The following ACADM variants were observed in gnomAD, a reference collection of about 807,000 sequenced individuals.
The protein encoded by ACADM is medium-chain specific acyl-CoA dehydrogenase, mitochondrial.
ACADM carries 49 observed loss-of-function variants against 58.9 expected under a neutral mutation model. That is an observed-to-expected ratio of 0.83 (90% confidence interval 0.66 to 1.06). The LOEUF (loss-of-function observed/expected upper bound fraction) is 1.06. Ranked by LOEUF, ACADM falls within the 50% of genes least tolerant of loss-of-function variation. The probability of loss-of-function intolerance (pLI) is 0.00; values close to 1 mark genes in which losing one functional copy is unlikely to be tolerated. For synonymous variants in ACADM, 160 were observed against 157.7 expected, an observed-to-expected ratio of 1.01 and a Z score of -0.11; for missense variants, 496 against 507.0, an observed-to-expected ratio of 0.98 and a Z score of 0.21.
intron 10 of ACADM, among the ~76,000 whole-genome samples, chr1:75,756,980 A>G (rs1347033657): frequency 6.6e-6 from 1 of 152,220 alleles, no homozygotes; most frequent in Non-Finnish European, 1.5e-5. Context: ...TATTTAATAA[A>G]TGGTGCTGGG....
intron 5 of ACADM, among the ~76,000 whole-genome samples, chr1:75,734,117 C>T (rs188129716): frequency 6.6e-6 from 1 of 151,434 alleles, no homozygotes; most frequent in African/African-American, 2.4e-5. Context: ...TCCTGAGTAG[C>T]TGGGATTACA....
chr1:75,762,622 T>C, intron 11 of ACADM, 70 bp from the exon 12 acceptor site: 1 of 1,016,204 alleles, frequency 9.8e-7, no homozygotes, highest in Non-Finnish European at 1.5e-6. Flanking sequence ...TGCTACTGTC[T>C]AAAATGTTGA....
intron 4 of ACADM, 64 bp from the exon 5 acceptor site, chr1:75,733,461 AGTT>A: frequency 1.4e-6 from 2 of 1,443,920 alleles, no homozygotes; most frequent in Non-Finnish European, 1.9e-6. Flanking sequence ...CAATTAAAAT[AGTT>A]TACCTTTATT....
Position 75,743,714 on chromosome 1 carries a change from G to A in ACADM, c.600-2092G>A, listed in dbSNP as rs531257353. ...TCTTCAATGGCAAATTCATTCTTTC[G>A]GGCCTTCTCTCCCAGTTCAGTGATG... On this transcript the variant is annotated intron_variant, in intron 7 of 11. Coordinates refer to ENST00000370841, the MANE Select transcript of ACADM (RefSeq NM_000016.6). 50 of 1,495,550 alleles carry A rather than the reference G, an allele frequency of 3.3e-5. No homozygotes were observed. The East Asian group carries it at 6.3e-4, about 19-fold the overall frequency. 92.6% of individuals were successfully genotyped at this position (1,495,550 alleles called of 1,614,324 possible). A position where few individuals can be genotyped will look rare whatever the true frequency, so the allele number is the denominator to read the frequency against.
At position 75,750,834 on chromosome 1, in the gene ACADM, C is replaced by T. The variant is rs76780252; in HGVS notation, c.945+288C>T. On this transcript the variant is annotated intron_variant, in intron 10 of 11. Coordinates refer to ENST00000370841, the MANE Select transcript of ACADM (RefSeq NM_000016.6). ...CACAATCTCGGTTCACCACAGTCTC[C>T]GCCTCCCGAGTTCGAGTAATTCTCC... The T allele has an allele frequency of 0.034, 14,785 of 437,642 alleles. 408 individuals carry two copies. The highest frequency in any genetic ancestry group is 0.11 in the African/African-American group (5,352 of 49,624). 27.1% of individuals were successfully genotyped at this position (437,642 alleles called of 1,614,324 possible).
rs775836983 is a variant in ACADM at position 75,745,835 on chromosome 1, A to G, written c.629A>G (p.Asp210Gly). 2.5e-6 allele frequency: 4 copies of G among 1,613,946 alleles called. No individual in the cohort carries two copies. Among genetic ancestry groups the G allele is most frequent in the Non-Finnish European group, 3.4e-6 (4 of 1,179,908 alleles). The stretch of plus-strand genomic sequence containing the variant: ...TTTTTATTGGCACGTTCTGATCCAG[A>G]TCCTAAAGCTCCTGCTAATAAAGCC... ...WYFLLARSDP[D>G]PKAPANKAFT... Residue 210 changes from aspartate to glycine, a missense_variant, in exon 8 of 12, where the codon GAT (aspartate) becomes GGT (glycine). Transcript: ENST00000370841.
intron 7 of ACADM, 52 bp downstream of exon 7, chr1:75,740,162 A>G (rs750363271): frequency 2.0e-6 from 3 of 1,525,590 alleles, no homozygotes; most frequent in Admixed American, 3.4e-5. Context: ...TTTTATCTTC[A>G]AATCTCTCTT....
chr1:75,735,031 C>T (rs1196883066), intron 6 of ACADM, among the ~76,000 whole-genome samples, 160 bp downstream of exon 6: 2 of 152,060 alleles, frequency 1.3e-5, no homozygotes, highest in Non-Finnish European at 2.9e-5. Flanking sequence ...AAGAAAGTAT[C>T]ATAATAGGCC....
intron 10 of ACADM, among the ~76,000 whole-genome samples, chr1:75,753,069 T>C (rs1648292791): frequency 6.6e-6 from 1 of 152,222 alleles, no homozygotes; most frequent in Non-Finnish European, 1.5e-5. Context: ...TGAGACCCTG[T>C]CTCAAAACAA....
chr1:75,732,576 C>A, intron 2 of ACADM, 68 bp from the exon 3 acceptor site: 2 of 1,204,238 alleles, frequency 1.7e-6, no homozygotes, highest in Non-Finnish European at 2.5e-6. Context: ...CACATTTCTA[C>A]ATACTGACTT....
chr1:75,746,336 A>G (rs573171881), intron 8 of ACADM, among the ~76,000 whole-genome samples: 43 of 152,348 alleles, frequency 2.8e-4, no homozygotes, highest in African/African-American at 1.0e-3. Context: ...AGATTTTACT[A>G]GGTCATACAA....
At chr1:75,757,869 G>C (rs760021379) in intron 10 of ACADM, among the ~76,000 whole-genome samples, 1 of 152,178 alleles carries the variant, frequency 6.6e-6, no homozygotes, top group East Asian at 1.9e-4. Flanking sequence ...CACAGGCTTA[G>C]TCTCACAAGA....
intron 8 of ACADM, among the ~76,000 whole-genome samples, 183 bp downstream of exon 8, chr1:75,746,097 C>G (rs1430403096): frequency 6.6e-6 from 1 of 152,116 alleles, no homozygotes; most frequent in Non-Finnish European, 1.5e-5. Flanking sequence ...ACAGTCATTT[C>G]AAGTCATTTT....
intron 10 of ACADM, among the ~76,000 whole-genome samples, chr1:75,759,656 C>CTTTTTTTTTTTTTTTTTTTTT (rs34394777): frequency 1.1e-5 from 1 of 87,582 alleles, no homozygotes; most frequent in African/African-American, 4.2e-5. Flanking sequence ...TAGCAACTTT[C>CTTTTTTTTTTTTTTTTTTTTT]TTTTTTTTTT....
intron 10 of ACADM, among the ~76,000 whole-genome samples, chr1:75,756,424 C>T (rs201667265): frequency 1.3e-5 from 2 of 151,314 alleles, no homozygotes; most frequent in Non-Finnish European, 3.0e-5. Context: ...ACCAACAACA[C>T]ACAGAGAGCC....
chr1:75,743,425 T>A (rs2100400111), intron 7 of ACADM: 1 of 1,610,042 alleles, frequency 6.2e-7, no homozygotes, highest in East Asian at 2.2e-5. Context: ...CTCCTAAAGA[T>A]CAAAGAGGAG....
chr1:75,743,713 C>T (rs987309795), intron 7 of ACADM: 19 of 1,495,188 alleles, frequency 1.3e-5, no homozygotes, highest in South Asian at 2.3e-5. Flanking sequence ...TTCATTCTTT[C>T]GGGCCTTCTC....
intron 10 of ACADM, among the ~76,000 whole-genome samples, chr1:75,756,099 G>A (rs901437719): frequency 2.0e-5 from 3 of 152,118 alleles, no homozygotes; most frequent in African/African-American, 7.2e-5. Flanking sequence ...CAAACCCACA[G>A]CCAATATCAT....
Position 75,758,529 on chromosome 1 carries a change from T to C in ACADM, c.946-2593T>C, listed in dbSNP as rs1316965726. 2.6e-5 allele frequency among the ~76,000 whole-genome samples: 4 copies of C among 152,188 alleles called. No individual in the cohort carries two copies. In the East Asian group the frequency reaches 7.7e-4, roughly 29 times the overall value. On this transcript the variant is annotated intron_variant, in intron 10 of 11. Transcript: ENST00000370841. ...TCTTGAGAGGTGAAGCCAGCTGGAC[T>C]TCCTGGGTCGAGTGGGGACTTGGAG...
Sources: gnomAD v4.1 joint callset for allele counts (sites outside exome capture counted in the v4.1 genomes callset) on GRCh38, gnomAD v4.1.1 for gene constraint, MANE v1.5 for transcripts, NCBI Gene and HGNC (gene_info 2026-07-23, HGNC 2026-07-21) for gene names.